The following CNTN5 variants were observed in gnomAD, a reference collection of about 807,000 sequenced individuals.
CNTN5 encodes the protein contactin 5.
Under a neutral mutation model 129.1 loss-of-function variants are expected in CNTN5, and 77 were observed. The observed-to-expected ratio is 0.60, with a 90% CI of 0.50 to 0.72. CNTN5 has a LOEUF of 0.72. Ranked by LOEUF, CNTN5 falls within the 30% of genes least tolerant of loss-of-function variation. The probability of loss-of-function intolerance (pLI) is 0.00; values close to 1 mark genes in which losing one functional copy is unlikely to be tolerated. For synonymous variants in CNTN5, 509 were observed against 465.6 expected (o/e 1.09, Z -1.20); for missense variants, 1,478 against 1,328.8 (o/e 1.11, Z -1.75).
chr11:100,303,371 TAAA>T (rs1951272420), intron 20 of CNTN5, among the ~76,000 whole-genome samples: 1 of 151,516 alleles, frequency 6.6e-6, no homozygotes. Flanking sequence ...TTTTCCAAGA[TAAA>T]AAATTAAATT....
intron 6 of CNTN5, among the ~76,000 whole-genome samples, chr11:99,859,882 G>A (rs1016156470): frequency 6.6e-6 from 1 of 152,152 alleles, no homozygotes; most frequent in Admixed American, 6.5e-5. Flanking sequence ...AGATTGCTGG[G>A]TAGAATGGTA....
intron 3 of CNTN5, among the ~76,000 whole-genome samples, chr11:99,640,750 G>A (rs1331788775): frequency 6.6e-6 from 1 of 152,156 alleles, no homozygotes; most frequent in Non-Finnish European, 1.5e-5. Context: ...GTAGTAAGCT[G>A]TACTACCTAG....
intron 2 of CNTN5, among the ~76,000 whole-genome samples, chr11:99,491,297 T>C (rs866483744): frequency 1.3e-5 from 2 of 152,176 alleles, no homozygotes; most frequent in African/African-American, 4.8e-5. Context: ...TTCTCCTTAT[T>C]CCTATTTTCT....
At chr11:99,693,317 C>T (rs965885492) in intron 3 of CNTN5, among the ~76,000 whole-genome samples, 1 of 151,628 alleles carries the variant, frequency 6.6e-6, no homozygotes, top group African/African-American at 2.4e-5. Context: ...TAAATTATTC[C>T]AATTAAAAAA....
intron 1 of CNTN5, among the ~76,000 whole-genome samples, chr11:99,216,752 C>T (rs1257886067): frequency 1.3e-5 from 2 of 151,844 alleles, no homozygotes; most frequent in Non-Finnish European, 2.9e-5. Flanking sequence ...TCAAAAAACA[C>T]AAGATACCAA....
chr11:99,026,203 C>T (rs1211988465), intron 1 of CNTN5, among the ~76,000 whole-genome samples: 1 of 151,270 alleles, frequency 6.6e-6, no homozygotes, highest in Non-Finnish European at 1.5e-5. Context: ...ACAGATTGAC[C>T]CCAAATATAT....
intron 9 of CNTN5, among the ~76,000 whole-genome samples, chr11:100,025,494 G>T (rs1941372987): frequency 1.3e-5 from 2 of 152,160 alleles, no homozygotes; most frequent in South Asian, 4.1e-4. Context: ...GTGAGAAGCG[G>T]TTCACTGTCC....
chr11:99,063,904 A>G (rs117699579), intron 1 of CNTN5, among the ~76,000 whole-genome samples: 1,722 of 152,236 alleles, frequency 0.011, 23 homozygotes, highest in East Asian at 0.06. Flanking sequence ...ACACATGTAC[A>G]TGACTAAATA....
chr11:99,978,299 G>A (rs1000124201), intron 8 of CNTN5, among the ~76,000 whole-genome samples: 5 of 152,148 alleles, frequency 3.3e-5, no homozygotes, highest in African/African-American at 1.2e-4. Flanking sequence ...AAGTAAAAAT[G>A]TTACAGTAAA....
intron 3 of CNTN5, among the ~76,000 whole-genome samples, chr11:99,725,871 A>T (rs191538028): frequency 4.6e-5 from 7 of 152,226 alleles, no homozygotes; most frequent in Non-Finnish European, 1.0e-4. Context: ...GCTTTCTGTA[A>T]TGTGGCCTTT....
chr11:99,899,935 T>C (rs552719606), intron 6 of CNTN5, among the ~76,000 whole-genome samples: 1 of 152,152 alleles, frequency 6.6e-6, no homozygotes, highest in South Asian at 2.1e-4. Context: ...TATTCAGGGT[T>C]TCTATTTCTT....
intron 18 of CNTN5, among the ~76,000 whole-genome samples, chr11:100,291,772 A>AATAAT (rs936795235): frequency 4.5e-5 from 6 of 133,318 alleles, no homozygotes; most frequent in African/African-American, 1.5e-4. Flanking sequence ...TAAATAAATA[A>AATAAT]ATAAATAAAT....
intron 3 of CNTN5, among the ~76,000 whole-genome samples, chr11:99,775,268 G>C (rs1337187248): frequency 6.6e-6 from 1 of 151,972 alleles, no homozygotes; most frequent in African/African-American, 2.4e-5. Flanking sequence ...TTTTAATACG[G>C]TCATTTTCAT....
At chr11:99,562,763 T>C (rs776893394) in intron 3 of CNTN5, among the ~76,000 whole-genome samples, 3 of 152,198 alleles carry the variant, frequency 2.0e-5, no homozygotes, top group Non-Finnish European at 4.4e-5. Context: ...ACCTTGCTTA[T>C]AGGTGTAGAT....
At chr11:99,943,098 G>A (rs879096621) in intron 7 of CNTN5, among the ~76,000 whole-genome samples, 1 of 152,128 alleles carries the variant, frequency 6.6e-6, no homozygotes. Context: ...CTAGATGCTT[G>A]AGGAATCATC....
chr11:99,103,688 A>T (rs1426467208), intron 1 of CNTN5, among the ~76,000 whole-genome samples: 1 of 152,080 alleles, frequency 6.6e-6, no homozygotes, highest in Non-Finnish European at 1.5e-5. Context: ...TTGCATGTTT[A>T]AGTAAGTGAA....
At chr11:99,717,194 T>A (rs1463191623) in intron 3 of CNTN5, among the ~76,000 whole-genome samples, 4 of 152,122 alleles carry the variant, frequency 2.6e-5, no homozygotes, top group Non-Finnish European at 5.9e-5. Flanking sequence ...GTAGTATTTG[T>A]AGTTTCATTT....
At chr11:99,493,306 A>G (rs1946106351) in intron 2 of CNTN5, among the ~76,000 whole-genome samples, 1 of 152,270 alleles carries the variant, frequency 6.6e-6, no homozygotes, top group Non-Finnish European at 1.5e-5. Flanking sequence ...TGAAGTCAGC[A>G]TAATGATTAC....
At chr11:99,198,039 T>G (rs1858992288) in intron 1 of CNTN5, among the ~76,000 whole-genome samples, 1 of 152,136 alleles carries the variant, frequency 6.6e-6, no homozygotes, top group South Asian at 2.1e-4. Context: ...TGGTATCTTC[T>G]ATAGCTCTTT....
Sources: gnomAD v4.1 joint callset for allele counts (sites outside exome capture counted in the v4.1 genomes callset) on GRCh38, gnomAD v4.1.1 for gene constraint, MANE v1.5 for transcripts, NCBI Gene and HGNC (gene_info 2026-07-23, HGNC 2026-07-21) for gene names.